Variants in RAD17 observed in about 807,000 individuals in gnomAD.
The protein encoded by RAD17 is RAD17 checkpoint clamp loader component.
Under a neutral mutation model 81.5 loss-of-function variants are expected in RAD17, and 31 were observed. That is an observed-to-expected ratio of 0.38 (90% CI 0.29 to 0.51). The LOEUF is 0.51. Among genes scored for constraint, RAD17 ranks in the 20% least tolerant of loss-of-function variants. The pLI, the probability that RAD17 is intolerant of heterozygous loss-of-function variation, is 0.88. For missense variants in RAD17, 681 were observed against 781.2 expected (o/e 0.87, Z 1.53); for synonymous variants, 261 against 266.2 (o/e 0.98, Z 0.19).
intron 8 of RAD17, 23 bp downstream of exon 8, chr5:69,384,956 T>A: frequency 2.4e-6 from 2 of 819,240 alleles, no homozygotes; most frequent in Non-Finnish European, 3.3e-6. Flanking sequence ...TTTAAAATCT[T>A]TTTTTTTTTT....
chr5:69,396,321 T>C, intron 15 of RAD17, 76 bp from the exon 16 acceptor site: 1 of 1,467,508 alleles, frequency 6.8e-7, no homozygotes, highest in Non-Finnish European at 9.3e-7. Context: ...ACGGTTAGTA[T>C]TTTTGTATAT....
At chr5:69,389,826 T>A (rs548813376) in intron 12 of RAD17, among the ~76,000 whole-genome samples, 4 of 152,194 alleles carry the variant, frequency 2.6e-5, no homozygotes, top group African/African-American at 9.6e-5. Context: ...TTAATAGAGA[T>A]GGGGTTTCAC....
intron 17 of RAD17, among the ~76,000 whole-genome samples, chr5:69,405,503 C>A (rs143876637): frequency 0.014 from 2,065 of 151,806 alleles, 49 homozygotes; most frequent in African/African-American, 0.047. Context: ...TCTGCCTCTA[C>A]TAAAAATACA....
At chr5:69,382,795 A>G (rs1226067444) in intron 7 of RAD17, among the ~76,000 whole-genome samples, 1 of 152,154 alleles carries the variant, frequency 6.6e-6, no homozygotes, top group Non-Finnish European at 1.5e-5. Context: ...AATTGATAAT[A>G]GTAACAATTT....
chr5:69,397,986 G>C (rs17236513), intron 16 of RAD17, among the ~76,000 whole-genome samples: 1 of 152,116 alleles, frequency 6.6e-6, no homozygotes, highest in South Asian at 2.1e-4. Context: ...GTGTGGCGGC[G>C]TGCGCCTGTA....
intron 18 of RAD17, 130 bp downstream of exon 18, chr5:69,410,680 A>G: frequency 1.2e-6 from 1 of 830,140 alleles, no homozygotes; most frequent in Non-Finnish European, 1.9e-6. Context: ...TATAAACATA[A>G]TTGTATTGTA....
At chr5:69,377,377 G>C in intron 6 of RAD17, among the ~76,000 whole-genome samples, 1 of 142,640 alleles carries the variant, frequency 7.0e-6, no homozygotes, top group Non-Finnish European at 1.5e-5. Context: ...ACCTACATTG[G>C]TGTTACTATT....
chr5:69,381,200 G>C (rs1763834247), intron 6 of RAD17, among the ~76,000 whole-genome samples: 1 of 152,072 alleles, frequency 6.6e-6, no homozygotes, highest in African/African-American at 2.4e-5. Context: ...AATAAATTTT[G>C]CTGGGAGCGG....
At chr5:69,389,256 CTTCT>C in intron 12 of RAD17, 111 bp downstream of exon 12, 1 of 535,356 alleles carries the variant, frequency 1.9e-6, no homozygotes, top group Non-Finnish European at 3.1e-6. Context: ...CCTATTTATC[CTTCT>C]TTATTACTGA....
At chr5:69,413,042 A>G (rs1337032695) in intron 18 of RAD17, among the ~76,000 whole-genome samples, 1 of 151,748 alleles carries the variant, frequency 6.6e-6, no homozygotes, top group African/African-American at 2.4e-5. Context: ...TTTTAAAATT[A>G]CAAATTAGAT....
At position 69,384,800 on chromosome 5, in the gene RAD17, C is replaced by A; in HGVS notation, c.512C>A (p.Ser171Ter). 2 of 1,598,640 alleles carry A rather than the reference C, an allele frequency of 1.3e-6. No individual in the cohort carries two copies. The highest frequency in any genetic ancestry group is 1.8e-5 in the Admixed American group (1 of 56,032). Residue 171 changes from serine (S) to a stop codon, truncating the protein, a stop_gained, in exon 8 of 19, where the codon TCA becomes TAA. Coordinates refer to ENST00000354868, the MANE Select transcript of RAD17 (RefSeq NM_133338.3). LOFTEE classifies it high-confidence loss of function. The part of the protein sequence containing the change: ...DDFKGMFNTE[S>*]SFHMFPYQSQ... Reference sequence around the variant, plus strand: ...GTGGTTATGTGTTTCCTTTCAGAATCAAGCTTCCATATGTTTCCCTATCAG... The same window carrying A: ...GTGGTTATGTGTTTCCTTTCAGAATAAAGCTTCCATATGTTTCCCTATCAG...
intron 6 of RAD17, among the ~76,000 whole-genome samples, chr5:69,375,239 C>G (rs1763262710): frequency 6.6e-6 from 1 of 152,078 alleles, no homozygotes; most frequent in Non-Finnish European, 1.5e-5. Flanking sequence ...TTCTTTATGT[C>G]TTATTGTTAG....
At chr5:69,399,657 G>A (rs984409946) in intron 16 of RAD17, among the ~76,000 whole-genome samples, 5 of 149,548 alleles carry the variant, frequency 3.3e-5, no homozygotes, top group African/African-American at 1.2e-4. Flanking sequence ...TGAAGGCAGG[G>A]ATTGTGCTTT....
At chr5:69,408,791 G>A (rs757916423) in intron 17 of RAD17, among the ~76,000 whole-genome samples, 2 of 152,034 alleles carry the variant, frequency 1.3e-5, no homozygotes, top group African/African-American at 2.4e-5. Flanking sequence ...GATTACAGAC[G>A]TGAGCCACTG....
At chr5:69,369,584 G>A, upstream of RAD17, 1 of 1,599,204 alleles carries the variant, frequency 6.3e-7, no homozygotes, top group Non-Finnish European at 8.5e-7. Flanking sequence ...AAAGCCCACG[G>A]CCCCAAAGGC....
intron 6 of RAD17, among the ~76,000 whole-genome samples, chr5:69,379,228 C>A (rs1256697719): frequency 3.3e-5 from 5 of 151,718 alleles, no homozygotes; most frequent in Non-Finnish European, 7.4e-5. Flanking sequence ...AGAACAGAGA[C>A]TTTGTCTCAA....
At position 69,384,952 on chromosome 5, in the gene RAD17, A is replaced by AT. The variant is rs1764089489; in HGVS notation, c.645+20dup. Reference sequence around the variant, plus strand: ...GGTTGAAGTAAGGACAACTTTTAAAATCTTTTTTTTTTTTTTTTTGAAATG... The same window carrying AT: ...GGTTGAAGTAAGGACAACTTTTAAAATTCTTTTTTTTTTTTTTTTTGAAATG... On this transcript the variant is annotated intron_variant, in intron 8 of 18. Coordinates refer to ENST00000354868, the MANE Select transcript of RAD17 (RefSeq NM_133338.3). 13 of 1,551,854 alleles carry AT rather than the reference A, an allele frequency of 8.4e-6. No homozygotes were observed. Among genetic ancestry groups the AT allele is most frequent in the South Asian group, 2.4e-5 (2 of 82,928 alleles).
chr5:69,412,781 G>A lies in RAD17; in HGVS notation c.1752-1250G>A, dbSNP rs542615675. On this transcript the variant is annotated intron_variant, in intron 18 of 18. Coordinates refer to ENST00000354868, the MANE Select transcript of RAD17 (RefSeq NM_133338.3). ...AGGTGGGTGGATCATCTAAGGTCAG[G>A]AGTTCGAGACCAGCCTGGCCAACAT... is the stretch of plus-strand genomic sequence containing the variant. 3.1e-3 allele frequency among the ~76,000 whole-genome samples: 467 copies of A among 152,176 alleles called. 4 individuals are homozygous for A. Among genetic ancestry groups the A allele is most frequent in the African/African-American group, 0.011 (456 of 41,520 alleles).
At chr5:69,390,093 A>G (rs1764456233) in intron 12 of RAD17, among the ~76,000 whole-genome samples, 1 of 152,238 alleles carries the variant, frequency 6.6e-6, no homozygotes, top group Admixed American at 6.5e-5. Context: ...AGTGAGTTAC[A>G]TTTTTACTGT....
Sources: gnomAD v4.1 joint callset for allele counts (sites outside exome capture counted in the v4.1 genomes callset) on GRCh38, gnomAD v4.1.1 for gene constraint, MANE v1.5 for transcripts, NCBI Gene and HGNC (gene_info 2026-07-23, HGNC 2026-07-21) for gene names.